The following FN3K variants were observed in gnomAD, a reference collection of about 807,000 sequenced individuals.
FN3K encodes fructosamine 3 kinase.
In FN3K, 24 loss-of-function variants were observed where a neutral mutation model predicts 24.8. The observed-to-expected ratio is 0.97, with a 90% CI of 0.70 to 1.36. The LOEUF (loss-of-function observed/expected upper bound fraction) is 1.36. FN3K is among the 40% of genes most tolerant of loss of function. The probability of loss-of-function intolerance (pLI) is 0.00; values close to 1 mark genes in which losing one functional copy is unlikely to be tolerated. For synonymous variants in FN3K, 192 were observed against 175.2 expected (o/e 1.10, Z -0.76); for missense variants, 449 against 416.7 (o/e 1.08, Z -0.67).
intron 2 of FN3K, among the ~76,000 whole-genome samples, chr17:82,740,384 T>G (rs1039016713): frequency 3.4e-5 from 5 of 149,008 alleles, no homozygotes; most frequent in African/African-American, 9.9e-5. Context: ...ATCCCAGTAT[T>G]TTGGAAAGCC....
At chr17:82,747,393 A>G (rs1463541674) in intron 4 of FN3K, among the ~76,000 whole-genome samples, 4 of 151,960 alleles carry the variant, frequency 2.6e-5, no homozygotes, top group Admixed American at 2.0e-4. Context: ...AATTTTTCCT[A>G]TTGATTTTGT....
rs2143666392 is a variant in FN3K, at chr17:82,750,970, TACCAATCCC to T, written c.*216_*224del. ...CCGTCCCCCTGTCCCCCTGTCCACATACCAATCCCCCTGTCCCCGACCCCCCATCCCCGT... is the reference window on the plus strand; with the variant it reads ...CCGTCCCCCTGTCCCCCTGTCCACATCCTGTCCCCGACCCCCCATCCCCGT... On this transcript the variant is annotated 3_prime_UTR_variant, in exon 6 of 6. Coordinates refer to ENST00000300784, the MANE Select transcript of FN3K (RefSeq NM_022158.4). 2 of 194,614 alleles carry T rather than the reference TACCAATCCC, an allele frequency of 1.0e-5. No homozygotes were observed. The highest frequency in any genetic ancestry group is 1.1e-4 in the East Asian group (1 of 8,764). The allele number at this position is 194,614 out of a possible 1,614,324, so 12.1% of individuals were successfully genotyped here. A position where few individuals can be genotyped will look rare whatever the true frequency, so the allele number is the denominator to read the frequency against.
At chr17:82,746,752 C>T (rs1315697352) in intron 4 of FN3K, among the ~76,000 whole-genome samples, 1 of 152,058 alleles carries the variant, frequency 6.6e-6, no homozygotes, top group Admixed American at 6.5e-5. Flanking sequence ...TTGCAGTGAG[C>T]TGAGATCGTG....
chr17:82,744,634 A>C (rs2635417), intron 4 of FN3K, among the ~76,000 whole-genome samples: 70,856 of 151,510 alleles, frequency 0.47, 16,848 homozygotes, highest in East Asian at 0.58. Context: ...AGAGAGAAAT[A>C]AGGGGACCCA....
At chr17:82,748,449 C>A (rs1413797964) in intron 4 of FN3K, among the ~76,000 whole-genome samples, 1 of 151,760 alleles carries the variant, frequency 6.6e-6, no homozygotes, top group Non-Finnish European at 1.5e-5. Context: ...TGCCTGGCCT[C>A]CAGCTTTCTT....
Position 82,750,529 on chromosome 17 carries a change from C to T in FN3K, c.704C>T (p.Pro235Leu), listed in dbSNP as rs1318653526. ...GACGTGGGGCCCATTATTTACGACC[C>T]GGCTTCCTTCTATGGCCATTCCGAG... is the stretch of plus-strand genomic sequence containing the variant. ...EDDVGPIIYDPASFYGHSEFE... is the reference protein window; with the variant it reads ...EDDVGPIIYDLASFYGHSEFE... Residue 235 changes from proline to leucine, a missense_variant, in exon 6 of 6, where the codon CCG becomes CTG. Transcript: ENST00000300784. The T allele has an allele frequency of 1.9e-6, 3 of 1,614,164 alleles. 1 individual carries two copies. The South Asian group carries it at 3.3e-5, about 18-fold the overall frequency.
chr17:82,740,687 T>C (rs1032834190), intron 2 of FN3K, 76 bp from the exon 3 acceptor site: 63 of 1,029,396 alleles, frequency 6.1e-5, no homozygotes, highest in Non-Finnish European at 2.4e-5. Flanking sequence ...ATTTAAACCT[T>C]TCTCAAAATG....
chr17:82,740,939 T>A, intron 3 of FN3K, 85 bp downstream of exon 3: 2 of 880,432 alleles, frequency 2.3e-6, no homozygotes, highest in South Asian at 2.7e-5. Context: ...TTGGTGGCAT[T>A]TCAATAATAG....
At chr17:82,741,190 A>G in intron 3 of FN3K, 121 bp from the exon 4 acceptor site, 1 of 855,750 alleles carries the variant, frequency 1.2e-6, no homozygotes. Context: ...TGTATGTAGT[A>G]CATCCTCAGA....
intron 5 of FN3K, chr17:82,749,219 TCA>T: frequency 1.7e-6 from 1 of 588,738 alleles, no homozygotes; most frequent in Non-Finnish European, 3.1e-6. Context: ...GTATTTAGCC[TCA>T]GACTTTCCTC....
chr17:82,746,325 G>T (rs1303968385), intron 4 of FN3K, among the ~76,000 whole-genome samples: 1 of 151,924 alleles, frequency 6.6e-6, no homozygotes, highest in Non-Finnish European at 1.5e-5. Context: ...GTGCCTGTTT[G>T]CTGACAAAAT....
intron 1 of FN3K, 81 bp from the exon 2 acceptor site, chr17:82,738,408 G>A (rs189524445): frequency 1.6e-5 from 25 of 1,582,368 alleles, no homozygotes; most frequent in East Asian, 4.5e-5. Flanking sequence ...TGACTCCCAC[G>A]TGGTAGCTTC....
intron 2 of FN3K, among the ~76,000 whole-genome samples, chr17:82,740,369 C>T (rs1436181374): frequency 4.1e-5 from 6 of 146,528 alleles, no homozygotes; most frequent in African/African-American, 1.5e-4. Context: ...TGGTTCACAC[C>T]TGTAATCCCA....
intron 1 of FN3K, among the ~76,000 whole-genome samples, chr17:82,736,643 C>T (rs890217520): frequency 6.6e-6 from 1 of 152,152 alleles, no homozygotes; most frequent in African/African-American, 2.4e-5. Context: ...CCTCCCGGCC[C>T]GAGTGGGCTC....
rs192033227 is a variant in FN3K at position 82,750,388 on chromosome 17, A to G, written c.592-29A>G. ...GATGAGACCGGGGCTCCCAGAGGCC[A>G]GCGATAACTGCAGCCGTTGCTCTCG... On this transcript the variant is annotated intron_variant, in intron 5 of 5. Transcript: ENST00000300784. 1,168 of 1,598,710 alleles carry G rather than the reference A, an allele frequency of 7.3e-4. 1 individual carries two copies. The highest frequency in any genetic ancestry group is 8.6e-4 in the Non-Finnish European group (1,005 of 1,166,074).
chr17:82,735,924 C>A, intron 1 of FN3K, 147 bp downstream of exon 1: 1 of 1,049,096 alleles, frequency 9.5e-7, no homozygotes, highest in South Asian at 1.5e-5. Flanking sequence ...TGGGTGAGCC[C>A]GGCTCAAGCG....
At chr17:82,738,942 A>ACG (rs2046923906) in intron 2 of FN3K, among the ~76,000 whole-genome samples, 2 of 106,718 alleles carry the variant, frequency 1.9e-5, no homozygotes, top group South Asian at 6.7e-4. Flanking sequence ...ATATATATAT[A>ACG]TATATTTTTT....
At chr17:82,742,761 C>A (rs1240242825) in intron 4 of FN3K, 6 of 452,564 alleles carry the variant, frequency 1.3e-5, no homozygotes, top group Admixed American at 7.2e-5. Context: ...TTGTTAGGAA[C>A]ACAGCACCCA....
At chr17:82,741,581 G>T in intron 4 of FN3K, 188 bp downstream of exon 4, 1 of 579,676 alleles carries the variant, frequency 1.7e-6, no homozygotes, top group Non-Finnish European at 3.1e-6. Flanking sequence ...GCTGGGCAGG[G>T]TCATGGGACA....
Sources: allele counts gnomAD v4.1 joint callset (sites outside exome capture counted in the v4.1 genomes callset), GRCh38; gene constraint gnomAD v4.1.1; transcripts MANE v1.5; gene names NCBI Gene and HGNC (gene_info 2026-07-23, HGNC 2026-07-21).